The following NPAT variants were observed in gnomAD, a reference collection of about 807,000 sequenced individuals.
NPAT encodes the protein nuclear protein, coactivator of histone transcription, also known as protein NPAT.
Under a neutral mutation model 130.7 loss-of-function variants are expected in NPAT, and 52 were observed. The observed-to-expected ratio is 0.40, with a 90% CI of 0.32 to 0.50. NPAT has a LOEUF of 0.50. Ranked by LOEUF, NPAT falls within the 20% of genes least tolerant of loss-of-function variation. The pLI is 0.68. For missense variants in NPAT, 1,687 were observed against 1,662.6 expected, an observed-to-expected ratio of 1.01 and a Z score of -0.26; for synonymous variants, 580 against 584.8, an observed-to-expected ratio of 0.99 and a Z score of 0.12.
intron 4 of NPAT, among the ~76,000 whole-genome samples, chr11:108,190,727 G>GA (rs767896962): frequency 6.6e-6 from 1 of 152,174 alleles, no homozygotes; most frequent in Non-Finnish European, 1.5e-5. Context: ...TTTTCATTAA[G>GA]AAGTTTCTAT....
chr11:108,159,778 A>G (rs1045711167), intron 17 of NPAT, among the ~76,000 whole-genome samples: 8 of 152,100 alleles, frequency 5.3e-5, no homozygotes, highest in Non-Finnish European at 8.8e-5. Flanking sequence ...TGGGAGGCCA[A>G]GGTGCGCAGA....
In NPAT at chr11:108,189,346, A is replaced by G. The variant is rs1244032918; in HGVS notation, c.332-16T>C. On this transcript the variant is annotated splice_polypyrimidine_tract_variant and intron_variant, in intron 5 of 17. Transcript: ENST00000278612. ...CTCGTTCGGGCTGAAACATATAAGC[A>G]TTTAAAAAACAAATTCAACGTCAGG... The G allele has an allele frequency of 2.5e-5, 41 of 1,613,036 alleles. No individual in the cohort carries two copies. The highest frequency in any genetic ancestry group is 2.7e-5 in the Non-Finnish European group (32 of 1,179,088).
At chr11:108,185,596 TA>T in intron 8 of NPAT, 102 bp from the exon 9 acceptor site, 1 of 795,380 alleles carries the variant, frequency 1.3e-6, no homozygotes, top group East Asian at 2.7e-5. Flanking sequence ...ATAGTTTTAA[TA>T]AACCTAAATG....
Position 108,173,000 on chromosome 11 carries a change from G to A in NPAT, c.1984C>T (p.Pro662Ser), listed in dbSNP as rs1420070144. Residue 662 changes from proline to serine, a missense_variant, in exon 13 of 18, where the codon CCT (proline) becomes TCT (serine). Physicochemically the swap from Pro to Ser is moderately conservative, Grantham distance 74. Transcript: ENST00000278612. The stretch of plus-strand genomic sequence containing the variant: ...TTCTCTTCTTTTACAGAAGATGAAG[G>A]CTCCTGTGAATTCTCAGACTTGGAT... ...QASKSENSQE[P>S]SSSVKEENTI... The A allele has an allele frequency of 6.2e-7, 1 of 1,613,978 alleles. No individual in the cohort carries two copies. The highest frequency in any genetic ancestry group is 2.2e-5 in the East Asian group (1 of 44,876).
At position 108,173,987 on chromosome 11, in the gene NPAT, T is replaced by C. The variant is rs907280892; in HGVS notation, c.1133-136A>G. The stretch of plus-strand genomic sequence containing the variant: ...CAGTAAGTGGAAGTCTGATACGCTG[T>C]GTTTCCCATTTACTGAGTATCAAAA... On this transcript the variant is annotated intron_variant, in intron 12 of 17. Transcript: ENST00000278612. The C allele has an allele frequency of 2.5e-5, 19 of 774,652 alleles. No homozygotes were observed. The African/African-American group carries it at 2.6e-4, about 10-fold the overall frequency. 48.0% of individuals were successfully genotyped at this position (774,652 alleles called of 1,614,324 possible). A position where few individuals can be genotyped will look rare whatever the true frequency, so the allele number is the denominator to read the frequency against.
intron 1 of NPAT, among the ~76,000 whole-genome samples, chr11:108,220,840 T>C (rs2078480196): frequency 6.6e-6 from 1 of 152,018 alleles, no homozygotes; most frequent in Admixed American, 6.6e-5. Flanking sequence ...GTAACAACAG[T>C]AAATAAAATG....
In NPAT at chr11:108,173,936, C is replaced by T. The variant is rs868364321; in HGVS notation, c.1133-85G>A. On this transcript the variant is annotated intron_variant, in intron 12 of 17. Coordinates refer to ENST00000278612, the MANE Select transcript of NPAT (RefSeq NM_002519.3). ...ATTTTTGCCATAAAACTTATTTTGC[C>T]AAGAAAATAACTCATCTTTGCATAC... 9.2e-6 allele frequency: 11 copies of T among 1,200,660 alleles called. No individual in the cohort carries two copies. In the South Asian group the frequency reaches 9.9e-5, roughly 11 times the overall value. The allele number at this position is 1,200,660 out of a possible 1,614,324, so 74.4% of individuals were successfully genotyped here.
Position 108,158,719 on chromosome 11 carries a change from T to C in NPAT, c.*223A>G. On this transcript the variant is annotated 3_prime_UTR_variant, in exon 18 of 18. Transcript: ENST00000278612. The stretch of plus-strand genomic sequence containing the variant: ...ATACAGTTTTGCAGATTGGCTTTAC[T>C]TACATTTCTGCAAACGTTTTTCCCA... 3 of 472,696 alleles carry C rather than the reference T, an allele frequency of 6.3e-6. No homozygotes were observed. The South Asian group carries it at 6.7e-5, about 11-fold the overall frequency. The allele number at this position is 472,696 out of a possible 1,614,324, so 29.3% of individuals were successfully genotyped here. A position where few individuals can be genotyped will look rare whatever the true frequency, so the allele number is the denominator to read the frequency against.
Position 108,170,053 on chromosome 11 carries a change from C to A in NPAT, c.2786-10G>T. 6.4e-7 allele frequency: 1 copy of A among 1,557,784 alleles called. No individual in the cohort carries two copies. The highest frequency in any genetic ancestry group is 1.1e-5 in the South Asian group (1 of 89,880). ...ATTATTATGGCAGATCCTAAAAAAA[C>A]AATTCTTGTTAAAAAAAGATTTTCT... is the stretch of plus-strand genomic sequence containing the variant. On this transcript the variant is annotated splice_polypyrimidine_tract_variant and intron_variant, in intron 13 of 17. Coordinates refer to ENST00000278612, the MANE Select transcript of NPAT (RefSeq NM_002519.3).
intron 17 of NPAT, among the ~76,000 whole-genome samples, chr11:108,159,220 C>A (rs1413414068): frequency 6.6e-6 from 1 of 152,030 alleles, no homozygotes; most frequent in African/African-American, 2.4e-5. Flanking sequence ...TTCAATGGCA[C>A]CTGAATGTTA....
intron 12 of NPAT, among the ~76,000 whole-genome samples, chr11:108,175,172 G>C (rs2077992644): frequency 6.6e-6 from 1 of 152,262 alleles, no homozygotes; most frequent in Admixed American, 6.5e-5. Flanking sequence ...TTTTATTACA[G>C]TATATTGTTA....
At chr11:108,178,597 T>C (rs2134846643) in intron 10 of NPAT, among the ~76,000 whole-genome samples, 1 of 152,246 alleles carries the variant, frequency 6.6e-6, no homozygotes, top group East Asian at 1.9e-4. Flanking sequence ...GTGGCTCACA[T>C]CTGTAATCCC....
At chr11:108,216,518 GAA>G (rs1005743382) in intron 1 of NPAT, among the ~76,000 whole-genome samples, 1 of 140,470 alleles carries the variant, frequency 7.1e-6, no homozygotes, top group Admixed American at 7.2e-5. Context: ...GAGGGTCAGG[GAA>G]AAAAAAAAAG....
chr11:108,189,559 A>T (rs1035128244), intron 5 of NPAT, among the ~76,000 whole-genome samples: 1 of 152,268 alleles, frequency 6.6e-6, no homozygotes, highest in Non-Finnish European at 1.5e-5. Context: ...ATTAATATTG[A>T]TAACACCATG....
chr11:108,222,625 C>G lies in NPAT; in HGVS notation c.-89G>C. 7.0e-7 allele frequency: 1 copy of G among 1,423,582 alleles called. No homozygotes were observed. The highest frequency in any genetic ancestry group is 9.8e-7 in the Non-Finnish European group (1 of 1,019,046). 88.2% of individuals were successfully genotyped at this position (1,423,582 alleles called of 1,614,324 possible). ...AGCTCCTGCGCCGCATCTCCTGGTT[C>G]CAGTGGCGGCACTGAACTCGCGGCA... On this transcript the variant is annotated 5_prime_UTR_variant, in exon 1 of 18. Coordinates refer to ENST00000278612, the MANE Select transcript of NPAT (RefSeq NM_002519.3).
At chr11:108,202,434 G>C (rs2078283348) in intron 1 of NPAT, among the ~76,000 whole-genome samples, 1 of 152,102 alleles carries the variant, frequency 6.6e-6, no homozygotes, top group African/African-American at 2.4e-5. Context: ...ATATTCTCCT[G>C]TGGAAATAGA....
chr11:108,210,591 T>C (rs1194789447), intron 1 of NPAT, among the ~76,000 whole-genome samples: 1 of 152,154 alleles, frequency 6.6e-6, no homozygotes, highest in African/African-American at 2.4e-5. Context: ...TCTTTATAAG[T>C]TACCCACTCT....
chr11:108,158,545 C>T lies in NPAT; in HGVS notation c.*397G>A, dbSNP rs989179620. 13 of 162,864 alleles carry T rather than the reference C, an allele frequency of 8.0e-5. No individual in the cohort carries two copies. Among genetic ancestry groups the T allele is most frequent in the Non-Finnish European group, 1.7e-4 (13 of 74,662 alleles). The allele number at this position is 162,864 out of a possible 1,614,324, so 10.1% of individuals were successfully genotyped here. On this transcript the variant is annotated 3_prime_UTR_variant, in exon 18 of 18. Transcript: ENST00000278612. ...TATAAGAATAAGCATCATTTTCCTC[C>T]AAAACAAGTGAGAAACTATTCCAGA...
chr11:108,159,403 T>C (rs1426686196), intron 17 of NPAT, among the ~76,000 whole-genome samples: 1 of 152,180 alleles, frequency 6.6e-6, no homozygotes, highest in Non-Finnish European at 1.5e-5. Flanking sequence ...AGATACTTTA[T>C]GTATACTACA....
Sources: allele counts gnomAD v4.1 joint callset (sites outside exome capture counted in the v4.1 genomes callset), GRCh38; gene constraint gnomAD v4.1.1; transcripts MANE v1.5; gene names NCBI Gene and HGNC (gene_info 2026-07-23, HGNC 2026-07-21).